Variants in STX7 observed in about 807,000 individuals in gnomAD.
The protein encoded by STX7 is syntaxin 7, also known as syntaxin-7.
Under a neutral mutation model 39.6 loss-of-function variants are expected in STX7, and 34 were observed. That is an observed-to-expected ratio of 0.86 (90% confidence interval 0.65 to 1.14). The LOEUF (loss-of-function observed/expected upper bound fraction) is 1.14, where lower values mean the gene tolerates loss of function less well. Ranked by LOEUF, STX7 falls within the 50% of genes most tolerant of loss-of-function variation. STX7 has a pLI of 0.00. For synonymous variants in STX7, 119 were observed against 99.1 expected (o/e 1.20, Z -1.19); for missense variants, 284 against 310.4 (o/e 0.92, Z 0.64).
chr6:132,490,945 G>A (rs1308117163), intron 2 of STX7, among the ~76,000 whole-genome samples: 2 of 140,468 alleles, frequency 1.4e-5, no homozygotes, highest in Admixed American at 7.3e-5. Flanking sequence ...GGCAGAGGAG[G>A]AAAGAAACAG....
rs1241146196 is a variant in STX7, at chr6:132,448,660, T to A, written c.*12098A>T. On this transcript the variant is annotated 3_prime_UTR_variant, in exon 10 of 10. Coordinates refer to ENST00000367941, the MANE Select transcript of STX7 (RefSeq NM_003569.3). ...GAACAGCCTGGCCAACATGGCAAAATCACGTCTTTACTAAAAATACAAAAA... is the reference window on the plus strand; with the variant it reads ...GAACAGCCTGGCCAACATGGCAAAAACACGTCTTTACTAAAAATACAAAAA... 1 of 151,636 alleles carries A rather than the reference T, an allele frequency of 6.6e-6. No individual in the cohort carries two copies. The highest frequency in any genetic ancestry group is 1.5e-5 in the Non-Finnish European group (1 of 67,942). The allele number at this position is 151,636 out of a possible 1,614,324, so 9.4% of individuals were successfully genotyped here.
intron 9 of STX7, among the ~76,000 whole-genome samples, chr6:132,463,001 C>G (rs1774449759): frequency 6.6e-6 from 1 of 152,020 alleles, no homozygotes; most frequent in Admixed American, 6.6e-5. Flanking sequence ...ATGGGTGGAT[C>G]GCTTGAGCCC....
At chr6:132,512,823 G>A (rs574942196) in intron 1 of STX7, among the ~76,000 whole-genome samples, 184 bp downstream of exon 1, 2 of 152,268 alleles carry the variant, frequency 1.3e-5, no homozygotes, top group Admixed American at 6.5e-5. Flanking sequence ...CGGGGGGCGT[G>A]GGGAGCCGCA....
Position 132,454,563 on chromosome 6 carries a change from A to G in STX7, c.*6195T>C, listed in dbSNP as rs1774206837. ...TAGCATTAAACATATTTTATACTTT[A>G]TAAAGAATGGGCTCTATTTCAAATG... is the stretch of plus-strand genomic sequence containing the variant. On this transcript the variant is annotated 3_prime_UTR_variant, in exon 10 of 10. Coordinates refer to ENST00000367941, the MANE Select transcript of STX7 (RefSeq NM_003569.3). The G allele has an allele frequency of 2.0e-5, 3 of 152,216 alleles. No individual in the cohort carries two copies. In the South Asian group the frequency reaches 6.2e-4, roughly 32 times the overall value. 9.4% of individuals were successfully genotyped at this position (152,216 alleles called of 1,614,324 possible).
At chr6:132,492,060 C>A (rs1775303166) in intron 2 of STX7, among the ~76,000 whole-genome samples, 1 of 152,192 alleles carries the variant, frequency 6.6e-6, no homozygotes, top group African/African-American at 2.4e-5. Flanking sequence ...CTTGCTCCAC[C>A]CAGAGTAAAA....
rs1340793805 is a variant in STX7 at position 132,451,780 on chromosome 6, A to T, written c.*8978T>A. The T allele has an allele frequency of 6.6e-6, 1 of 152,196 alleles. No individual in the cohort carries two copies. The highest frequency in any genetic ancestry group is 1.5e-5 in the Non-Finnish European group (1 of 68,032). The allele number at this position is 152,196 out of a possible 1,614,324, so 9.4% of individuals were successfully genotyped here. On this transcript the variant is annotated 3_prime_UTR_variant, in exon 10 of 10. Coordinates refer to ENST00000367941, the MANE Select transcript of STX7 (RefSeq NM_003569.3). The stretch of plus-strand genomic sequence containing the variant: ...TAACTATTGTAAAAGTGGAAATTAC[A>T]ATAAAAAGAACTCCCTCCCCCAAAA...
At chr6:132,474,994 A>G (rs1161643844) in intron 3 of STX7, among the ~76,000 whole-genome samples, 1 of 152,156 alleles carries the variant, frequency 6.6e-6, no homozygotes, top group Non-Finnish European at 1.5e-5. Flanking sequence ...ATTTTTAGCT[A>G]TGGAAAGTAA....
chr6:132,511,260 G>A (rs57791045), intron 1 of STX7, among the ~76,000 whole-genome samples: 2,912 of 152,264 alleles, frequency 0.019, 80 homozygotes, highest in African/African-American at 0.065. Flanking sequence ...AGATACCGAA[G>A]GTCCCAGGCT....
rs1774104628 is a variant in STX7 at position 132,449,916 on chromosome 6, G to C, written c.*10842C>G. The C allele has an allele frequency of 6.6e-6, 1 of 152,172 alleles. No individual in the cohort carries two copies. The highest frequency in any genetic ancestry group is 1.5e-5 in the Non-Finnish European group (1 of 68,042). 9.4% of individuals were successfully genotyped at this position (152,172 alleles called of 1,614,324 possible). ...GATTAATCTAGAAGCATTAATTAGGGAGGCTTTCCTTCGGAGGGGATTTTC... is the reference window on the plus strand; with the variant it reads ...GATTAATCTAGAAGCATTAATTAGGCAGGCTTTCCTTCGGAGGGGATTTTC... On this transcript the variant is annotated 3_prime_UTR_variant, in exon 10 of 10. Transcript: ENST00000367941.
At chr6:132,472,961 G>A (rs370163937) in intron 3 of STX7, among the ~76,000 whole-genome samples, 27 of 152,118 alleles carry the variant, frequency 1.8e-4, no homozygotes, top group Non-Finnish European at 2.4e-4. Context: ...AATTTGAGAC[G>A]TGCCTGGCCA....
rs1297417686 is a variant in STX7, at chr6:132,459,770, A to C, written c.*988T>G. 2 of 152,232 alleles carry C rather than the reference A, an allele frequency of 1.3e-5. No individual in the cohort carries two copies. The highest frequency in any genetic ancestry group is 1.3e-4 in the Admixed American group (2 of 15,276). 9.4% of individuals were successfully genotyped at this position (152,232 alleles called of 1,614,324 possible). A position where few individuals can be genotyped will look rare whatever the true frequency, so the allele number is the denominator to read the frequency against. On this transcript the variant is annotated 3_prime_UTR_variant, in exon 10 of 10. Transcript: ENST00000367941. ...CAAACCTCCAATTGCTTTTTTAATG[A>C]AGGATGACACAAAATGGCACGCAAG...
rs187264351 is a variant in STX7, at chr6:132,509,590, C to T, written c.-59+3417G>A. On this transcript the variant is annotated intron_variant, in intron 1 of 9. Coordinates refer to ENST00000367941, the MANE Select transcript of STX7 (RefSeq NM_003569.3). ...CCCATATGAAGTTTTGCTATTCCCACTCCTAAGATGAAGGAATATGTTTGG... is the reference window on the plus strand; with the variant it reads ...CCCATATGAAGTTTTGCTATTCCCATTCCTAAGATGAAGGAATATGTTTGG... 9.3e-4 allele frequency among the ~76,000 whole-genome samples: 142 copies of T among 152,192 alleles called. 2 individuals are homozygous for T. The highest frequency in any genetic ancestry group is 3.2e-3 in the African/African-American group (134 of 41,512).
At position 132,463,977 on chromosome 6, in the gene STX7, A is replaced by T; in HGVS notation, c.693+16T>A. 6.2e-7 allele frequency: 1 copy of T among 1,613,414 alleles called. No homozygotes were observed. Among genetic ancestry groups the T allele is most frequent in the Non-Finnish European group, 8.5e-7 (1 of 1,179,354 alleles). Reference sequence around the variant, plus strand: ...AAAAGGATAAGTTATAAGAAAATTGATCACAGTTAAATTACCTGATAATCT... The same window carrying T: ...AAAAGGATAAGTTATAAGAAAATTGTTCACAGTTAAATTACCTGATAATCT... On this transcript the variant is annotated intron_variant, in intron 9 of 9. Transcript: ENST00000367941.
At position 132,484,920 on chromosome 6, in the gene STX7, C is replaced by T. The variant is rs1440089683; in HGVS notation, c.86-9258G>A. ...AACCGAGAACAATATAGGTAGGCACCGTGTACTGGATATAGTAAGCGCTCA... is the reference window on the plus strand; with the variant it reads ...AACCGAGAACAATATAGGTAGGCACTGTGTACTGGATATAGTAAGCGCTCA... On this transcript the variant is annotated intron_variant, in intron 2 of 9. Coordinates refer to ENST00000367941, the MANE Select transcript of STX7 (RefSeq NM_003569.3). Among the ~76,000 whole-genome samples the T allele has an allele frequency of 3.3e-5, 5 of 152,234 alleles. No homozygotes were observed. In the East Asian group the frequency reaches 9.6e-4, roughly 29 times the overall value.
intron 1 of STX7, among the ~76,000 whole-genome samples, chr6:132,506,413 A>G (rs970489470): frequency 6.6e-6 from 1 of 152,180 alleles, no homozygotes; most frequent in African/African-American, 2.4e-5. Context: ...AAACCCCACA[A>G]ATAACCCCAT....
At chr6:132,508,664 C>T (rs1775766662) in intron 1 of STX7, among the ~76,000 whole-genome samples, 1 of 152,064 alleles carries the variant, frequency 6.6e-6, no homozygotes, top group African/African-American at 2.4e-5. Context: ...CACCTGCCAC[C>T]ACATCCCACT....
At chr6:132,461,970 G>T (rs946159355) in intron 9 of STX7, 6 of 1,020,914 alleles carry the variant, frequency 5.9e-6, no homozygotes, top group African/African-American at 1.6e-5. Context: ...ACCATAAATA[G>T]TTTGAATATT....
At chr6:132,464,317 T>C (rs930628132) in intron 8 of STX7, among the ~76,000 whole-genome samples, 1 of 152,182 alleles carries the variant, frequency 6.6e-6, no homozygotes, top group East Asian at 1.9e-4. Context: ...ATCATCTTCA[T>C]TACAGAGCAA....
chr6:132,488,608 ACTAT>A (rs1444821895), intron 2 of STX7, among the ~76,000 whole-genome samples: 2 of 152,052 alleles, frequency 1.3e-5, no homozygotes, highest in African/African-American at 2.4e-5. Context: ...ACATTTCTTG[ACTAT>A]CTAATGTGAA....
Sources: gnomAD v4.1 joint callset for allele counts (sites outside exome capture counted in the v4.1 genomes callset) on GRCh38, gnomAD v4.1.1 for gene constraint, MANE v1.5 for transcripts, NCBI Gene and HGNC (gene_info 2026-07-23, HGNC 2026-07-21) for gene names.